The following NR2F1-AS1 variants were observed in gnomAD, a reference collection of about 807,000 sequenced individuals.
The protein encoded by NR2F1-AS1 is NR2F1 antisense RNA 1.
chr5:93,578,176 C>G (rs1430413082), intron 1 of NR2F1-AS1, among the ~76,000 whole-genome samples: 1 of 152,170 alleles, frequency 6.6e-6, no homozygotes, highest in African/African-American at 2.4e-5. Flanking sequence ...GGGCCTGGAA[C>G]GCAAGTCAAC....
intron 4 of NR2F1-AS1, among the ~76,000 whole-genome samples, chr5:93,466,913 G>C (rs1050422856): frequency 1.5e-5 from 2 of 131,962 alleles, no homozygotes; most frequent in South Asian, 2.9e-4. Context: ...TTGGGGGGGG[G>C]GGGGGTGGAC....
chr5:93,532,736 G>A (rs1751760624), intron 4 of NR2F1-AS1, among the ~76,000 whole-genome samples: 3 of 152,210 alleles, frequency 2.0e-5, no homozygotes, highest in Non-Finnish European at 2.9e-5. Context: ...ATGAGCCTCA[G>A]ATTCGTGGTT....
chr5:93,585,543 C>G, upstream of NR2F1-AS1: 1 of 1,423,722 alleles, frequency 7.0e-7, no homozygotes, highest in Non-Finnish European at 9.8e-7. Flanking sequence ...CTGGCTCTTT[C>G]TTTCTTTCTC....
chr5:93,576,863 A>G (rs542711022), intron 1 of NR2F1-AS1, among the ~76,000 whole-genome samples: 4 of 152,334 alleles, frequency 2.6e-5, no homozygotes, highest in East Asian at 1.9e-4. Context: ...CAAAACTTCA[A>G]CTTTCATCCA....
At chr5:93,514,684 C>T (rs1417390694) in intron 4 of NR2F1-AS1, among the ~76,000 whole-genome samples, 1 of 151,948 alleles carries the variant, frequency 6.6e-6, no homozygotes, top group Non-Finnish European at 1.5e-5. Flanking sequence ...TGAATCTGTA[C>T]TTGAGGAAAC....
chr5:93,551,026 G>A (rs1459633704), intron 4 of NR2F1-AS1, among the ~76,000 whole-genome samples: 1 of 150,802 alleles, frequency 6.6e-6, no homozygotes, highest in Non-Finnish European at 1.5e-5. Context: ...TTTGATCACT[G>A]TTTCTCAGCA....
chr5:93,520,221 G>A (rs1476701753), intron 4 of NR2F1-AS1, among the ~76,000 whole-genome samples: 3 of 151,908 alleles, frequency 2.0e-5, no homozygotes, highest in African/African-American at 7.2e-5. Context: ...TAATAGTCAG[G>A]ATTAGTTGTT....
chr5:93,516,328 A>C (rs994573822), intron 4 of NR2F1-AS1, among the ~76,000 whole-genome samples: 2 of 151,896 alleles, frequency 1.3e-5, no homozygotes, highest in African/African-American at 4.8e-5. Context: ...CTCTGACAAC[A>C]GACAAAACAG....
At chr5:93,471,317 T>C (rs777703310) in intron 4 of NR2F1-AS1, among the ~76,000 whole-genome samples, 11 of 151,920 alleles carry the variant, frequency 7.2e-5, no homozygotes, top group Non-Finnish European at 1.3e-4. Context: ...TCATTCTCTC[T>C]GACCAGTAAT....
chr5:93,524,387 T>C (rs907610538), intron 4 of NR2F1-AS1, among the ~76,000 whole-genome samples: 1 of 152,198 alleles, frequency 6.6e-6, no homozygotes, highest in Admixed American at 6.5e-5. Context: ...TTGATTGGTG[T>C]ATCTGAAAGT....
chr5:93,491,298 T>C (rs144196887), intron 4 of NR2F1-AS1, among the ~76,000 whole-genome samples: 27 of 149,448 alleles, frequency 1.8e-4, no homozygotes, highest in Admixed American at 7.3e-4. Context: ...AGTGGTAGTG[T>C]TGGTGGTGGT....
chr5:93,525,676 C>T (rs1751598249), intron 4 of NR2F1-AS1, among the ~76,000 whole-genome samples: 3 of 152,198 alleles, frequency 2.0e-5, no homozygotes, highest in Non-Finnish European at 2.9e-5. Context: ...ATAGTGCAAT[C>T]TAATTAGAAC....
intron 4 of NR2F1-AS1, among the ~76,000 whole-genome samples, chr5:93,522,058 G>A (rs1445283869): frequency 1.3e-5 from 2 of 152,144 alleles, no homozygotes; most frequent in African/African-American, 4.8e-5. Flanking sequence ...TCTTTCACAG[G>A]AACATGGATG....
intron 4 of NR2F1-AS1, among the ~76,000 whole-genome samples, chr5:93,444,820 T>C (rs1468798110): frequency 6.6e-6 from 1 of 152,080 alleles, no homozygotes; most frequent in Non-Finnish European, 1.5e-5. Context: ...CCTCAGAAAA[T>C]GTAAAAGAAC....
chr5:93,486,584 A>G (rs1273939625), intron 4 of NR2F1-AS1, among the ~76,000 whole-genome samples: 1 of 152,228 alleles, frequency 6.6e-6, no homozygotes, highest in East Asian at 1.9e-4. Context: ...ACAAGTTCTG[A>G]AATTGCAGCA....
At chr5:93,455,454 A>AG (rs906055406) in intron 4 of NR2F1-AS1, among the ~76,000 whole-genome samples, 1 of 152,156 alleles carries the variant, frequency 6.6e-6, no homozygotes, top group Non-Finnish European at 1.5e-5. Flanking sequence ...TGGGACAAAT[A>AG]GGAAAAAAAA....
At chr5:93,536,928 G>A (rs1289222241) in intron 4 of NR2F1-AS1, among the ~76,000 whole-genome samples, 2 of 152,234 alleles carry the variant, frequency 1.3e-5, no homozygotes, top group East Asian at 3.9e-4. Flanking sequence ...AGATCTGATG[G>A]TTTTAAAAAT....
At chr5:93,583,045 C>T (rs1303972447), upstream of NR2F1-AS1, among the ~76,000 whole-genome samples, 2 of 151,530 alleles carry the variant, frequency 1.3e-5, no homozygotes, top group East Asian at 3.9e-4. Context: ...CATTTTCTCT[C>T]CCCCCGATTC....
rs1274217820 is a variant in NR2F1-AS1, at chr5:93,528,839, A to G, written n.638+24922T>C. 2.0e-5 allele frequency among the ~76,000 whole-genome samples: 3 copies of G among 149,312 alleles called. No individual in the cohort carries two copies. The East Asian group carries it at 6.2e-4, about 31-fold the overall frequency. ...TGAATGTTCTCACTCATAAGTGGGA[A>G]TTGAACAATGAGAACACATGGACAC... On this transcript the variant is annotated intron_variant and non_coding_transcript_variant, in intron 4 of 5. Transcript: ENST00000660523.
Sources: gnomAD v4.1 joint callset for allele counts (sites outside exome capture counted in the v4.1 genomes callset) on GRCh38, gnomAD v4.1.1 for gene constraint, MANE v1.5 for transcripts, NCBI Gene and HGNC (gene_info 2026-07-23, HGNC 2026-07-21) for gene names.